The following RTN1 variants were observed in gnomAD, a reference collection of about 807,000 sequenced individuals.
RTN1 encodes reticulon 1, also known as reticulon-1.
Under a neutral mutation model 65.5 loss-of-function variants are expected in RTN1, and 25 were observed. That is an observed-to-expected ratio of 0.38 (90% CI 0.28 to 0.53). The LOEUF is 0.53. RTN1 is among the 20% of genes least tolerant of loss of function. The pLI, the probability that RTN1 is intolerant of heterozygous loss-of-function variation, is 0.79. For missense variants in RTN1, 983 were observed against 1,025.4 expected, an observed-to-expected ratio of 0.96 and a Z score of 0.57; for synonymous variants, 471 against 447.6, an observed-to-expected ratio of 1.05 and a Z score of -0.66.
In RTN1 at chr14:59,870,734, G is replaced by A; in HGVS notation, c.-104C>T. The A allele has an allele frequency of 1.6e-6, 2 of 1,215,824 alleles. No individual in the cohort carries two copies. Among genetic ancestry groups the A allele is most frequent in the South Asian group, 3.0e-5 (1 of 33,058 alleles). 75.3% of individuals were successfully genotyped at this position (1,215,824 alleles called of 1,614,324 possible). On this transcript the variant is annotated 5_prime_UTR_variant, in exon 1 of 9. Transcript: ENST00000267484. The surrounding 1 kb of genome is among the most constrained non-coding windows in gnomAD (Gnocchi z 5.1). The stretch of plus-strand genomic sequence containing the variant: ...GTCCCCGGAGGGACTCGGCGCTCAG[G>A]GAAGCTGCGGTGTCTCAGCGTCGCC...
In RTN1 at chr14:59,618,002, G is replaced by A. The variant is rs570882870; in HGVS notation, c.1766-10510C>T. On this transcript the variant is annotated intron_variant, in intron 3 of 8. Transcript: ENST00000267484. ...AAAACCCAAGGGAAGGACTGAAACG[G>A]CCTTTGCAAAATTATGACCGAGACA... Among the ~76,000 whole-genome samples the A allele has an allele frequency of 2.6e-5, 4 of 152,258 alleles. No homozygotes were observed. The East Asian group carries it at 7.7e-4, about 29-fold the overall frequency.
At position 59,727,297 on chromosome 14, in the gene RTN1, C is replaced by T; in HGVS notation, c.1387G>A (p.Asp463Asn). The T allele has an allele frequency of 6.7e-7, 1 of 1,497,750 alleles. No homozygotes were observed. 92.8% of individuals were successfully genotyped at this position (1,497,750 alleles called of 1,614,324 possible). A position where few individuals can be genotyped will look rare whatever the true frequency, so the allele number is the denominator to read the frequency against. Residue 463 changes from aspartate (D) to asparagine (N), a missense_variant, in exon 3 of 9, where the codon GAC (aspartate) becomes AAC (asparagine). Asp to Asn is a conservative substitution (Grantham distance 23). Coordinates refer to ENST00000267484, the MANE Select transcript of RTN1 (RefSeq NM_021136.3). This position sits in a 1 kb window ranked among gnomAD's most constrained non-coding sequence, Gnocchi z 4.2. ...ILREEREAELDSELIIESCDA... is the reference protein window; with the variant it reads ...ILREEREAELNSELIIESCDA... ...CACGACTCGATGATGAGCTCGCTGTCCAGCTCGGCCTCGCGCTCCTCCCTC... is the reference window on the plus strand; with the variant it reads ...CACGACTCGATGATGAGCTCGCTGTTCAGCTCGGCCTCGCGCTCCTCCCTC...
intron 3 of RTN1, among the ~76,000 whole-genome samples, chr14:59,634,515 T>C (rs1195238067): frequency 1.3e-5 from 2 of 152,214 alleles, no homozygotes; most frequent in Admixed American, 1.3e-4. Flanking sequence ...CTTCTTCATG[T>C]GGTATACATT....
rs1181949329 is a variant in RTN1, at chr14:59,849,788, TCA to T, written c.241+20600_241+20601del. 5.9e-5 allele frequency among the ~76,000 whole-genome samples: 9 copies of T among 152,218 alleles called. No individual in the cohort carries two copies. Among genetic ancestry groups the T allele is most frequent in the Non-Finnish European group, 1.0e-4 (7 of 68,036 alleles). ...GAAGTAAAGCCAAGAACTCCCACTC[TCA>T]CTTACTCCAGGTTCTAGAATTTAGC... On this transcript the variant is annotated intron_variant, in intron 1 of 8. Coordinates refer to ENST00000267484, the MANE Select transcript of RTN1 (RefSeq NM_021136.3). This position sits in a 1 kb window ranked among gnomAD's most constrained non-coding sequence, Gnocchi z 4.5.
intron 1 of RTN1, among the ~76,000 whole-genome samples, chr14:59,767,223 A>G (rs1419592388): frequency 6.6e-6 from 1 of 152,166 alleles, no homozygotes; most frequent in Non-Finnish European, 1.5e-5. Flanking sequence ...GTGGACATGG[A>G]CTATGTTTTG....
chr14:59,659,642 G>C (rs763329592), intron 3 of RTN1, among the ~76,000 whole-genome samples: 38 of 152,172 alleles, frequency 2.5e-4, no homozygotes, highest in Non-Finnish European at 1.0e-4. Context: ...GCCAAACTAA[G>C]CTTCATAAGT....
chr14:59,652,623 A>G (rs1421694038), intron 3 of RTN1, among the ~76,000 whole-genome samples: 2 of 152,120 alleles, frequency 1.3e-5, no homozygotes, highest in Non-Finnish European at 1.5e-5. Context: ...ATTGGAGCTA[A>G]ATGATGAGAA....
intron 1 of RTN1, among the ~76,000 whole-genome samples, chr14:59,775,165 G>A (rs963191935): frequency 2.6e-5 from 4 of 152,044 alleles, no homozygotes; most frequent in Non-Finnish European, 2.9e-5. Context: ...TATCTCAGAC[G>A]TTTCTCATCT....
chr14:59,613,088 C>A (rs562348238), intron 3 of RTN1, among the ~76,000 whole-genome samples: 4 of 152,224 alleles, frequency 2.6e-5, no homozygotes, highest in East Asian at 3.9e-4. Flanking sequence ...AACTACCTTG[C>A]GGAAATTCTA....
At position 59,781,343 on chromosome 14, in the gene RTN1, GTCATTGACTGTTTATGT is replaced by G. The variant is rs538629128; in HGVS notation, c.242-34879_242-34863del. On this transcript the variant is annotated intron_variant, in intron 1 of 8. Transcript: ENST00000267484. ...AGAAACAAAAATCTCCAAAGTGTCA[GTCATTGACTGTTTATGT>G]TCCACTTAGTGTTCTGTTCCAATTG... Among the ~76,000 whole-genome samples, 32 of 152,132 alleles carry G rather than the reference GTCATTGACTGTTTATGT, an allele frequency of 2.1e-4. No homozygotes were observed. The East Asian group carries it at 5.6e-3, about 27-fold the overall frequency.
At chr14:59,788,433 C>T (rs1200441062) in intron 1 of RTN1, among the ~76,000 whole-genome samples, 1 of 152,170 alleles carries the variant, frequency 6.6e-6, no homozygotes, top group African/African-American at 2.4e-5. Flanking sequence ...AAAGCAGCAT[C>T]TCATTGTTTT....
Position 59,726,929 on chromosome 14 carries a change from A to G in RTN1, c.1755T>C (p.Asn585=). The change falls in exon 3 of 9, where the codon AAT becomes AAC. Residue 585 remains asparagine, a synonymous_variant. Coordinates refer to ENST00000267484, the MANE Select transcript of RTN1 (RefSeq NM_021136.3). The stretch of plus-strand genomic sequence containing the variant: ...CTTGGGATCCTTTACCTTTTTGCTT[A>G]TTGAGAAACAGCAGTGGGGGCGGGG... The part of the protein sequence containing the change: ...PGAPPPLLFL[N]KQKAIDLLYW... 6.2e-7 allele frequency: 1 copy of G among 1,611,048 alleles called. No homozygotes were observed. Among genetic ancestry groups the G allele is most frequent in the African/African-American group, 1.3e-5 (1 of 74,778 alleles).
At chr14:59,664,313 G>C (rs1450127062) in intron 3 of RTN1, among the ~76,000 whole-genome samples, 1 of 152,130 alleles carries the variant, frequency 6.6e-6, no homozygotes, top group Non-Finnish European at 1.5e-5. Flanking sequence ...ATCGGGGCCT[G>C]TCAGGTGGTG....
chr14:59,800,980 A>G (rs1266414094), intron 1 of RTN1, among the ~76,000 whole-genome samples: 2 of 152,170 alleles, frequency 1.3e-5, no homozygotes, highest in Non-Finnish European at 2.9e-5. Flanking sequence ...TCATCAGCTT[A>G]CTGGACACAA....
chr14:59,714,635 C>T (rs370563529), intron 3 of RTN1, among the ~76,000 whole-genome samples: 1 of 152,196 alleles, frequency 6.6e-6, no homozygotes, highest in Non-Finnish European at 1.5e-5. Context: ...CTCAGAGCTT[C>T]ACCTGGCTGC....
At chr14:59,841,300 A>G (rs891333486) in intron 1 of RTN1, among the ~76,000 whole-genome samples, 38 of 152,342 alleles carry the variant, frequency 2.5e-4, no homozygotes, top group Admixed American at 1.5e-3. Context: ...GAGACAAATA[A>G]GAATGAAAAA....
chr14:59,749,429 T>C (rs1885350520), intron 1 of RTN1, among the ~76,000 whole-genome samples: 1 of 101,126 alleles, frequency 9.9e-6, no homozygotes, highest in Non-Finnish European at 1.7e-5. Context: ...TCTATATATC[T>C]ATATATATCT....
At chr14:59,771,762 T>C (rs1189910775) in intron 1 of RTN1, among the ~76,000 whole-genome samples, 2 of 152,234 alleles carry the variant, frequency 1.3e-5, no homozygotes, top group African/African-American at 4.8e-5. Context: ...TGTTCAATTA[T>C]CCTTATCAGT....
intron 1 of RTN1, among the ~76,000 whole-genome samples, chr14:59,824,518 A>T (rs1204560758): frequency 3.9e-5 from 6 of 152,210 alleles, no homozygotes; most frequent in African/African-American, 1.4e-4. Context: ...GAAAAGTAAG[A>T]TGTTACATAG....
Sources: allele counts gnomAD v4.1 joint callset (sites outside exome capture counted in the v4.1 genomes callset), GRCh38; gene constraint gnomAD v4.1.1; non-coding constraint Gnocchi (gnomAD v3.1); transcripts MANE v1.5; gene names NCBI Gene and HGNC (gene_info 2026-07-23, HGNC 2026-07-21).